The following RBPJ variants were observed in gnomAD, a reference collection of about 807,000 sequenced individuals.
The protein encoded by RBPJ is recombination signal binding protein for immunoglobulin kappa J region, also known as recombining binding protein suppressor of hairless.
RBPJ carries 9 observed loss-of-function variants against 67.8 expected under a neutral mutation model. The ratio of observed to expected loss-of-function variants is 0.13; its 90% CI spans 0.08 to 0.23. The LOEUF (loss-of-function observed/expected upper bound fraction) is 0.23, where lower values mean the gene tolerates loss of function less well. Among genes scored for constraint, RBPJ ranks in the 10% least tolerant of loss-of-function variants. The probability of loss-of-function intolerance (pLI) is 1.00; values close to 1 mark genes in which losing one functional copy is unlikely to be tolerated. For missense variants in RBPJ, 305 were observed against 595.6 expected (o/e 0.51, Z 5.08); for synonymous variants, 198 against 203.3 (o/e 0.97, Z 0.22).
At chr4:26,385,541 C>G (rs1460199213) in intron 1 of RBPJ, among the ~76,000 whole-genome samples, 2 of 152,166 alleles carry the variant, frequency 1.3e-5, no homozygotes, top group African/African-American at 2.4e-5. Flanking sequence ...CAGTTCCAGC[C>G]TGAATTGTGC....
the RBPJ span, among the ~76,000 whole-genome samples, chr4:26,139,737 A>G: frequency 1.3e-5 from 2 of 152,168 alleles, no homozygotes; most frequent in African/African-American, 4.8e-5. Flanking sequence ...GTGGATCAGT[A>G]AGTCAGACTG....
intron 1 of RBPJ, among the ~76,000 whole-genome samples, chr4:26,301,884 C>A (rs1301457283): frequency 6.6e-6 from 1 of 152,000 alleles, no homozygotes. Flanking sequence ...CCTCCACTTC[C>A]TGGGTTCAAG....
chr4:26,305,081 T>C (rs1440764033), intron 1 of RBPJ, among the ~76,000 whole-genome samples: 1 of 152,234 alleles, frequency 6.6e-6, no homozygotes, highest in East Asian at 1.9e-4. Context: ...CCCAGCATCA[T>C]TTGTTGCAAA....
At chr4:26,111,603 A>G in the RBPJ span, among the ~76,000 whole-genome samples, 1 of 152,152 alleles carries the variant, frequency 6.6e-6, no homozygotes, top group Non-Finnish European at 1.5e-5. Flanking sequence ...TTCCTGGCTC[A>G]TCCTTCCCCA....
At chr4:26,295,271 G>GTGTGTGTGTGTGTGTGT (rs1560248894) in intron 1 of RBPJ, among the ~76,000 whole-genome samples, 1 of 117,920 alleles carries the variant, frequency 8.5e-6, no homozygotes, top group African/African-American at 5.3e-5. Flanking sequence ...TGTGTGTGTG[G>GTGTGTGTGTGTGTGTGT]GTGTGTGTGT....
Position 26,283,068 on chromosome 4 carries a change from T to C in RBPJ, c.-166-79378T>C, listed in dbSNP as rs545340783. 8.0e-5 allele frequency among the ~76,000 whole-genome samples: 12 copies of C among 149,332 alleles called. No individual in the cohort carries two copies. In the South Asian group the frequency reaches 2.5e-3, roughly 32 times the overall value. ...GCCTCAGCCTCCCAAGTAGCTGGGA[T>C]TACAGGCACCTGCCACCACGCCCAG... On this transcript the variant is annotated intron_variant, in intron 1 of 4. Coordinates refer to the RBPJ transcript ENST00000512351.
At position 26,429,893 on chromosome 4, in the gene RBPJ, A is replaced by G. The variant is rs1390251840; in HGVS notation, c.889-5A>G. The G allele has an allele frequency of 1.8e-5, 29 of 1,611,644 alleles. No homozygotes were observed. The highest frequency in any genetic ancestry group is 2.3e-5 in the Non-Finnish European group (27 of 1,179,478). On this transcript the variant is annotated splice_polypyrimidine_tract_variant and splice_region_variant and intron_variant, in intron 8 of 10. Transcript: ENST00000355476. The stretch of plus-strand genomic sequence containing the variant: ...ACTTAGTTTCTAAACTTCTTTCTTT[A>G]TTAGGCCACTCCATGTCCAAAAGAA...
chr4:26,318,408 A>C (rs1376396857), upstream of RBPJ, among the ~76,000 whole-genome samples: 2 of 152,198 alleles, frequency 1.3e-5, no homozygotes, highest in Non-Finnish European at 2.9e-5. Flanking sequence ...TGCATTTAAA[A>C]CAGTAGTCAC....
chr4:26,255,320 C>A (rs1413812233), intron 1 of RBPJ, among the ~76,000 whole-genome samples: 1 of 116,116 alleles, frequency 8.6e-6, no homozygotes, highest in Non-Finnish European at 1.6e-5. Flanking sequence ...AGGAGAATGG[C>A]GTGAACCCAG....
intron 2 of RBPJ, among the ~76,000 whole-genome samples, chr4:26,405,423 T>G (rs1203008843): frequency 6.6e-6 from 1 of 151,734 alleles, no homozygotes; most frequent in Admixed American, 6.6e-5. Flanking sequence ...TTGCTTTCTT[T>G]TTACTATATA....
At chr4:26,411,467 T>C (rs532588324) in intron 3 of RBPJ, among the ~76,000 whole-genome samples, 4 of 152,170 alleles carry the variant, frequency 2.6e-5, no homozygotes, top group Admixed American at 1.3e-4. Flanking sequence ...GATGATGATA[T>C]TGGGATGTTT....
At chr4:26,154,428 C>T in the RBPJ span, among the ~76,000 whole-genome samples, 2 of 152,136 alleles carry the variant, frequency 1.3e-5, no homozygotes, top group Non-Finnish European at 2.9e-5. Context: ...TAGGAATTTA[C>T]CAGGGAAACA....
chr4:26,129,974 G>T, the RBPJ span, among the ~76,000 whole-genome samples: 4 of 152,128 alleles, frequency 2.6e-5, no homozygotes, highest in Non-Finnish European at 5.9e-5. Context: ...CGATTCTCCT[G>T]CCTCAGCCTT....
chr4:26,348,604 C>T (rs73113402), intron 1 of RBPJ, among the ~76,000 whole-genome samples: 2,809 of 152,192 alleles, frequency 0.018, 96 homozygotes, highest in African/African-American at 0.063. Context: ...GAAATATGTA[C>T]ATAAATTTGA....
chr4:26,263,881 T>C (rs983078871), intron 1 of RBPJ, among the ~76,000 whole-genome samples: 2 of 148,578 alleles, frequency 1.3e-5, no homozygotes, highest in African/African-American at 2.5e-5. Context: ...TTTTTTTTTT[T>C]GTTTTTGTTT....
intron 1 of RBPJ, among the ~76,000 whole-genome samples, chr4:26,214,325 G>A (rs1236575033): frequency 1.5e-5 from 2 of 135,194 alleles, no homozygotes; most frequent in African/African-American, 5.5e-5. Flanking sequence ...AGGAGGGAGG[G>A]AGGGAAGAGA....
rs777166838 is a variant in RBPJ at position 26,268,302 on chromosome 4, G to A, written c.-166-94144G>A. ...CAAAAACCAAGTGTCCTCTTTTTCT[G>A]TGTACGGTTCTGGTCCAAAGTAATC... is the stretch of plus-strand genomic sequence containing the variant. On this transcript the variant is annotated intron_variant, in intron 1 of 4. Coordinates refer to the RBPJ transcript ENST00000512351. 4.1e-4 allele frequency among the ~76,000 whole-genome samples: 63 copies of A among 151,844 alleles called. No homozygotes were observed. In the Middle Eastern group the frequency reaches 9.5e-3, roughly 23 times the overall value.
intron 1 of RBPJ, among the ~76,000 whole-genome samples, chr4:26,369,926 A>G (rs1407081406): frequency 6.6e-6 from 1 of 152,092 alleles, no homozygotes; most frequent in African/African-American, 2.4e-5. Context: ...GAACAAACCA[A>G]AGAGTTTGCT....
chr4:26,176,321 C>T (rs531200393), intron 1 of RBPJ, among the ~76,000 whole-genome samples: 6 of 152,042 alleles, frequency 3.9e-5, no homozygotes, highest in East Asian at 1.9e-4. Context: ...AGTGATAGAG[C>T]GGAGACGGGA....
Sources: allele counts gnomAD v4.1 joint callset (sites outside exome capture counted in the v4.1 genomes callset), GRCh38; gene constraint gnomAD v4.1.1; transcripts MANE v1.5; gene names NCBI Gene and HGNC (gene_info 2026-07-23, HGNC 2026-07-21).